The following RAD51B variants were observed in gnomAD, a reference collection of about 807,000 sequenced individuals.
RAD51B encodes the protein RAD51 paralog B.
Under a neutral mutation model 42.2 loss-of-function variants are expected in RAD51B, and 38 were observed. The observed-to-expected ratio is 0.90, with a 90% CI of 0.70 to 1.18. The LOEUF (loss-of-function observed/expected upper bound fraction) is 1.18. Among genes scored for constraint, RAD51B ranks in the 50% most tolerant of loss-of-function variants. The pLI is 0.00. For missense variants in RAD51B, 373 were observed against 400.7 expected, an observed-to-expected ratio of 0.93 and a Z score of 0.59; for synonymous variants, 154 against 145.2, an observed-to-expected ratio of 1.06 and a Z score of -0.43.
chr14:67,976,629 C>T (rs1455078366), intron 7 of RAD51B, among the ~76,000 whole-genome samples: 1 of 151,978 alleles, frequency 6.6e-6, no homozygotes, highest in Non-Finnish European at 1.5e-5. Context: ...AAAACCTAGG[C>T]AATACAATTC....
chr14:68,575,143 A>G (rs758586249), intron 10 of RAD51B, among the ~76,000 whole-genome samples: 3 of 152,232 alleles, frequency 2.0e-5, no homozygotes, highest in Admixed American at 2.0e-4. Context: ...CAAGCCCTTC[A>G]GATGGTGCTC....
At chr14:68,465,034 C>T (rs1377682299) in intron 9 of RAD51B, among the ~76,000 whole-genome samples, 1 of 152,170 alleles carries the variant, frequency 6.6e-6, no homozygotes, top group Non-Finnish European at 1.5e-5. Context: ...GGCTTAGGCT[C>T]AGATGCCATT....
At chr14:68,030,755 G>T (rs2076028843) in intron 7 of RAD51B, among the ~76,000 whole-genome samples, 1 of 152,170 alleles carries the variant, frequency 6.6e-6, no homozygotes, top group Non-Finnish European at 1.5e-5. Context: ...TTTGGTGCAG[G>T]AAGCCTAGCT....
At chr14:68,312,601 T>C (rs183951843) in intron 8 of RAD51B, among the ~76,000 whole-genome samples, 157 of 152,334 alleles carry the variant, frequency 1.0e-3, no homozygotes, top group Admixed American at 3.1e-3. Flanking sequence ...CACAAACAGT[T>C]CTCAAAGCTC....
chr14:68,600,373 C>T (rs1396272007), downstream of RAD51B, among the ~76,000 whole-genome samples: 1 of 152,222 alleles, frequency 6.6e-6, no homozygotes, highest in East Asian at 1.9e-4. Flanking sequence ...CTGGTGGCCC[C>T]TTGAGTTTCC....
chr14:68,532,563 A>T (rs1398656244), intron 10 of RAD51B, among the ~76,000 whole-genome samples: 1 of 152,192 alleles, frequency 6.6e-6, no homozygotes, highest in Non-Finnish European at 1.5e-5. Context: ...TCAACCAATA[A>T]CCCATGTAGG....
At chr14:67,966,487 A>G (rs1479691718) in intron 7 of RAD51B, among the ~76,000 whole-genome samples, 1 of 152,214 alleles carries the variant, frequency 6.6e-6, no homozygotes, top group Non-Finnish European at 1.5e-5. Flanking sequence ...AGTATCTTCA[A>G]AACATGTGGA....
intron 7 of RAD51B, among the ~76,000 whole-genome samples, chr14:68,034,805 T>C (rs966217220): frequency 2.0e-5 from 3 of 152,180 alleles, no homozygotes; most frequent in African/African-American, 7.2e-5. Context: ...GCAAAAGTTC[T>C]TCAGGGAAAA....
intron 8 of RAD51B, among the ~76,000 whole-genome samples, chr14:68,350,529 G>A (rs180883724): frequency 1.3e-5 from 2 of 152,222 alleles, no homozygotes; most frequent in Non-Finnish European, 2.9e-5. Flanking sequence ...TCTTCAGAGT[G>A]CCTCCCTTCC....
At chr14:67,838,671 C>T (rs1478438999) in intron 4 of RAD51B, among the ~76,000 whole-genome samples, 1 of 152,102 alleles carries the variant, frequency 6.6e-6, no homozygotes, top group Non-Finnish European at 1.5e-5. Flanking sequence ...TCTTGAACTC[C>T]TGACCTCAAG....
At chr14:68,497,543 A>C in intron 10 of RAD51B, 1 of 1,047,726 alleles carries the variant, frequency 9.5e-7, no homozygotes, top group Non-Finnish European at 1.2e-6. Flanking sequence ...GGTGAAATTT[A>C]TATAAGATGA....
At position 68,319,019 on chromosome 14, in the gene RAD51B, C is replaced by G. The variant is rs769721703; in HGVS notation, c.853+27039C>G. Among the ~76,000 whole-genome samples, 10 of 152,166 alleles carry G rather than the reference C, an allele frequency of 6.6e-5. No homozygotes were observed. The East Asian group carries it at 1.5e-3, about 24-fold the overall frequency. On this transcript the variant is annotated intron_variant, in intron 8 of 10. Coordinates refer to ENST00000471583, the MANE Select transcript of RAD51B (RefSeq NM_133510.4). Reference sequence around the variant, plus strand: ...GTCCCATCCCATTGTTATTTTTTCTCTAGACTGTGAGATGCTTTAAAAAAA... The same window carrying G: ...GTCCCATCCCATTGTTATTTTTTCTGTAGACTGTGAGATGCTTTAAAAAAA...
At chr14:68,396,836 G>A (rs775704332) in intron 8 of RAD51B, among the ~76,000 whole-genome samples, 12 of 152,194 alleles carry the variant, frequency 7.9e-5, no homozygotes, top group Non-Finnish European at 1.6e-4. Context: ...ATTGGGGCGG[G>A]GAGGGGGTAG....
At chr14:68,605,782 C>T (rs191573898) in intron 10 of RAD51B, among the ~76,000 whole-genome samples, 131 of 152,292 alleles carry the variant, frequency 8.6e-4, no homozygotes, top group Non-Finnish European at 1.5e-3. Context: ...CAACACAGTA[C>T]AGCCTTCCTG....
intron 7 of RAD51B, chr14:68,149,697 G>T (rs1359904422): frequency 6.6e-6 from 1 of 152,210 alleles, no homozygotes; most frequent in Non-Finnish European, 1.5e-5. Context: ...GATCAGCATG[G>T]GAGTTTTGGA....
chr14:68,423,094 A>C (rs2084749235), intron 9 of RAD51B, among the ~76,000 whole-genome samples: 1 of 152,176 alleles, frequency 6.6e-6, no homozygotes. Flanking sequence ...CATGATTTTG[A>C]GAACACCTTT....
At chr14:68,268,748 C>A (rs1050962080) in intron 7 of RAD51B, among the ~76,000 whole-genome samples, 3 of 152,192 alleles carry the variant, frequency 2.0e-5, no homozygotes, top group African/African-American at 7.2e-5. Context: ...CACAGAGCAT[C>A]TTTAATTTAC....
intron 8 of RAD51B, among the ~76,000 whole-genome samples, chr14:68,334,465 G>C (rs1161435997): frequency 1.3e-5 from 2 of 152,148 alleles, no homozygotes; most frequent in African/African-American, 2.4e-5. Flanking sequence ...AGGAGGAGCT[G>C]GTCTTGCTGT....
At chr14:68,372,923 A>T (rs551554011) in intron 8 of RAD51B, among the ~76,000 whole-genome samples, 2 of 152,366 alleles carry the variant, frequency 1.3e-5, no homozygotes, top group African/African-American at 4.8e-5. Context: ...TCTGTAGTAC[A>T]TGCATATGTG....
Sources: allele counts gnomAD v4.1 joint callset (sites outside exome capture counted in the v4.1 genomes callset), GRCh38; gene constraint gnomAD v4.1.1; transcripts MANE v1.5; gene names NCBI Gene and HGNC (gene_info 2026-07-23, HGNC 2026-07-21).